Variants in PTPRN2 observed in about 807,000 individuals in gnomAD.
The protein encoded by PTPRN2 is protein tyrosine phosphatase receptor type N2.
A neutral mutation model predicts 118.8 loss-of-function variants in PTPRN2; 74 were observed. The observed-to-expected ratio is 0.62, with a 90% CI of 0.52 to 0.76. PTPRN2 has a LOEUF of 0.76. Ranked by LOEUF, PTPRN2 falls within the 30% of genes least tolerant of loss-of-function variation. PTPRN2 has a pLI of 0.00. For synonymous variants in PTPRN2, 641 were observed against 608.0 expected, an observed-to-expected ratio of 1.05 and a Z score of -0.80; for missense variants, 1,481 against 1,394.4, an observed-to-expected ratio of 1.06 and a Z score of -0.99.
At chr7:158,260,795 G>T (rs945633638) in intron 3 of PTPRN2, among the ~76,000 whole-genome samples, 1 of 152,116 alleles carries the variant, frequency 6.6e-6, no homozygotes, top group Non-Finnish European at 1.5e-5. Context: ...TGGCAGAGAC[G>T]GCTCCTTCCT....
rs1803649939 is a variant in PTPRN2 at position 157,627,367 on chromosome 7, A to G, written c.2197-5858T>C. 6.6e-6 allele frequency among the ~76,000 whole-genome samples: 1 copy of G among 152,204 alleles called. No homozygotes were observed. Among genetic ancestry groups the G allele is most frequent in the African/African-American group, 2.4e-5 (1 of 41,452 alleles). ...GAGGGAGTGAGCCAGTGAAGGCGGG[A>G]TTGCACCACAATGCGTGCTCACATC... On this transcript the variant is annotated intron_variant, in intron 14 of 22. Transcript: ENST00000389418. This position sits in a 1 kb window ranked among gnomAD's most constrained non-coding sequence, Gnocchi z 4.2.
intron 11 of PTPRN2, among the ~76,000 whole-genome samples, chr7:158,063,501 G>T (rs1286827979): frequency 1.3e-5 from 2 of 152,326 alleles, no homozygotes; most frequent in East Asian, 3.9e-4. Flanking sequence ...GGCTGCCCGA[G>T]CCAGCAGTGG....
In PTPRN2 at chr7:157,974,540, G is replaced by A. The variant is rs1585118247; in HGVS notation, c.1724-75803C>T. ...CCTGCCATGGGACGATGTGACTGGGGGCTCGTCCATGCCTTGTCGTGGACA... is the reference window on the plus strand; with the variant it reads ...CCTGCCATGGGACGATGTGACTGGGAGCTCGTCCATGCCTTGTCGTGGACA... On this transcript the variant is annotated intron_variant, in intron 11 of 22. Coordinates refer to ENST00000389418, the MANE Select transcript of PTPRN2 (RefSeq NM_002847.5). This position sits in a 1 kb window ranked among gnomAD's most constrained non-coding sequence, Gnocchi z 4.0. Among the ~76,000 whole-genome samples, 1 of 152,292 alleles carries A rather than the reference G, an allele frequency of 6.6e-6. No individual in the cohort carries two copies. Among genetic ancestry groups the A allele is most frequent in the Non-Finnish European group, 1.5e-5 (1 of 68,016 alleles).
chr7:158,221,514 G>C (rs1015706111), intron 3 of PTPRN2, among the ~76,000 whole-genome samples: 1 of 152,128 alleles, frequency 6.6e-6, no homozygotes, highest in African/African-American at 2.4e-5. Flanking sequence ...CTTGAGACTG[G>C]GTAAACTAAA....
intron 5 of PTPRN2, among the ~76,000 whole-genome samples, chr7:158,188,891 AC>A (rs1488200657): frequency 3.3e-5 from 5 of 152,186 alleles, no homozygotes; most frequent in African/African-American, 1.2e-4. Context: ...GGTTAGTGTG[AC>A]GAGGCCACGG....
At chr7:158,379,763 G>GT (rs1810820661) in intron 2 of PTPRN2, among the ~76,000 whole-genome samples, 1 of 152,192 alleles carries the variant, frequency 6.6e-6, no homozygotes, top group African/African-American at 2.4e-5. Flanking sequence ...CCCCCTAGCT[G>GT]TATTAGTCCT....
intron 9 of PTPRN2, among the ~76,000 whole-genome samples, chr7:158,131,684 ACACT>A (rs1818318084): frequency 6.7e-6 from 1 of 149,504 alleles, no homozygotes; most frequent in Non-Finnish European, 1.5e-5. Context: ...TACCCGACAC[ACACT>A]CATACACACA....
chr7:158,289,534 A>G (rs1293527939), intron 3 of PTPRN2, among the ~76,000 whole-genome samples: 1 of 152,198 alleles, frequency 6.6e-6, no homozygotes, highest in Non-Finnish European at 1.5e-5. Context: ...TCTCTGTGGA[A>G]TTTCTAATTG....
At chr7:157,620,677 A>T (rs1803112571) in intron 15 of PTPRN2, among the ~76,000 whole-genome samples, 1 of 152,198 alleles carries the variant, frequency 6.6e-6, no homozygotes, top group Non-Finnish European at 1.5e-5. Context: ...ACTGGGGTGC[A>T]GATGTCCCCA....
intron 12 of PTPRN2, among the ~76,000 whole-genome samples, chr7:157,858,221 C>T (rs11770647): frequency 0.039 from 278 of 7,216 alleles, 65 homozygotes; most frequent in East Asian, 0.18. Context: ...GCCTCCCAGC[C>T]ACCACCCACA....
Position 157,591,339 on chromosome 7 carries a change from A to G in PTPRN2, c.2496+3899T>C, listed in dbSNP as rs915536468. On this transcript the variant is annotated intron_variant, in intron 17 of 22. Transcript: ENST00000389418. The surrounding 1 kb of genome is among the most constrained non-coding windows in gnomAD (Gnocchi z 4.4). Reference sequence around the variant, plus strand: ...CAAGGAGGAGCTTCAGATCAGCATCAACAGCCGGAGATAAAAGGAAGGTGC... The same window carrying G: ...CAAGGAGGAGCTTCAGATCAGCATCGACAGCCGGAGATAAAAGGAAGGTGC... 1.8e-4 allele frequency among the ~76,000 whole-genome samples: 27 copies of G among 152,218 alleles called. No individual in the cohort carries two copies. Among genetic ancestry groups the G allele is most frequent in the African/African-American group, 6.0e-4 (25 of 41,462 alleles).
At chr7:157,824,140 G>C (rs540202998) in intron 12 of PTPRN2, among the ~76,000 whole-genome samples, 1 of 152,198 alleles carries the variant, frequency 6.6e-6, no homozygotes, top group Non-Finnish European at 1.5e-5. Flanking sequence ...CCGTCAGTGG[G>C]GTTTGTGCAC....
intron 1 of PTPRN2, among the ~76,000 whole-genome samples, chr7:158,550,272 G>A (rs1028509743): frequency 2.0e-5 from 3 of 152,162 alleles, no homozygotes; most frequent in Admixed American, 1.3e-4. Flanking sequence ...GATGCTGCCC[G>A]GCTCCCCACC....
intron 1 of PTPRN2, among the ~76,000 whole-genome samples, chr7:158,518,856 G>T (rs574604487): frequency 6.6e-6 from 1 of 152,090 alleles, no homozygotes; most frequent in Admixed American, 6.6e-5. Context: ...ATGTTGCTGG[G>T]TGCCTGTAAT....
At chr7:157,950,760 C>A (rs575117398) in intron 11 of PTPRN2, among the ~76,000 whole-genome samples, 1 of 152,226 alleles carries the variant, frequency 6.6e-6, no homozygotes. Context: ...GCCTTCTTTC[C>A]ATATCGGATG....
chr7:158,265,144 G>A (rs534471693), intron 3 of PTPRN2, among the ~76,000 whole-genome samples: 5 of 152,208 alleles, frequency 3.3e-5, no homozygotes, highest in Admixed American at 2.6e-4. Flanking sequence ...CCCCTGGCCC[G>A]GTGGAGCAGT....
intron 1 of PTPRN2, among the ~76,000 whole-genome samples, chr7:158,508,079 G>T (rs1822898812): frequency 6.6e-6 from 1 of 151,838 alleles, no homozygotes; most frequent in African/African-American, 2.4e-5. Context: ...GAACATCCAG[G>T]GGACAGCCCT....
Position 157,904,548 on chromosome 7 carries a change from C to T in PTPRN2, c.1724-5811G>A, listed in dbSNP as rs1308027266. 2.6e-5 allele frequency among the ~76,000 whole-genome samples: 4 copies of T among 152,348 alleles called. No individual in the cohort carries two copies. In the East Asian group the frequency reaches 7.7e-4, roughly 29 times the overall value. ...CTCACAAAGCACAGAATCCGGGTCCCGGAGTCCCCAGAGTCCAGCTTCTTG... is the reference window on the plus strand; with the variant it reads ...CTCACAAAGCACAGAATCCGGGTCCTGGAGTCCCCAGAGTCCAGCTTCTTG... On this transcript the variant is annotated intron_variant, in intron 11 of 22. Transcript: ENST00000389418.
intron 12 of PTPRN2, among the ~76,000 whole-genome samples, chr7:157,888,059 G>A (rs1478886127): frequency 3.3e-5 from 5 of 151,186 alleles, no homozygotes; most frequent in Admixed American, 1.3e-4. Context: ...CGCTGTCTTG[G>A]GGGGTGTGAG....
Sources: allele counts gnomAD v4.1 joint callset (sites outside exome capture counted in the v4.1 genomes callset), GRCh38; gene constraint gnomAD v4.1.1; non-coding constraint Gnocchi (gnomAD v3.1); transcripts MANE v1.5; gene names NCBI Gene and HGNC (gene_info 2026-07-23, HGNC 2026-07-21).